Variants in ROBO2 observed in about 807,000 individuals in gnomAD.
ROBO2 encodes the protein roundabout guidance receptor 2.
ROBO2 carries 53 observed loss-of-function variants against 160.8 expected under a neutral mutation model. The observed-to-expected ratio is 0.33, with a 90% CI of 0.26 to 0.41. The LOEUF (loss-of-function observed/expected upper bound fraction) is 0.41, where lower values mean the gene tolerates loss of function less well. Ranked by LOEUF, ROBO2 falls within the 10% of genes least tolerant of loss-of-function variation. ROBO2 has a pLI of 1.00. For synonymous variants in ROBO2, 664 were observed against 611.7 expected, an observed-to-expected ratio of 1.09 and a Z score of -1.26; for missense variants, 1,577 against 1,722.4, an observed-to-expected ratio of 0.92 and a Z score of 1.49.
chr3:75,914,060 T>A (rs1215362961), intron 1 of ROBO2, among the ~76,000 whole-genome samples: 1 of 152,164 alleles, frequency 6.6e-6, no homozygotes, highest in African/African-American at 2.4e-5. Flanking sequence ...AATGCCCTGT[T>A]CAAATTAATT....
At chr3:75,936,175 G>A (rs1215448064) in intron 1 of ROBO2, among the ~76,000 whole-genome samples, 12 of 152,180 alleles carry the variant, frequency 7.9e-5, no homozygotes, top group Admixed American at 7.9e-4. Context: ...TGGAGAGGTT[G>A]AGTTAGATGT....
At chr3:76,304,454 G>A (rs2071222182) in intron 2 of ROBO2, among the ~76,000 whole-genome samples, 4 of 152,198 alleles carry the variant, frequency 2.6e-5, no homozygotes, top group Admixed American at 2.6e-4. Flanking sequence ...ATAGTGAATT[G>A]ATCTTTGGTC....
chr3:77,358,575 A>T (rs1581316695), intron 2 of ROBO2, among the ~76,000 whole-genome samples: 1 of 152,344 alleles, frequency 6.6e-6, no homozygotes, highest in East Asian at 1.9e-4. Flanking sequence ...AACTTGGTAG[A>T]TATTGAGCAT....
chr3:76,870,873 T>A (rs997081315), intron 2 of ROBO2, among the ~76,000 whole-genome samples: 1 of 152,160 alleles, frequency 6.6e-6, no homozygotes, highest in African/African-American at 2.4e-5. Flanking sequence ...GTTTATAAAA[T>A]GTATTTAGTT....
intron 9 of ROBO2, among the ~76,000 whole-genome samples, chr3:77,560,205 G>A (rs2153660183): frequency 6.6e-6 from 1 of 152,146 alleles, no homozygotes; most frequent in East Asian, 1.9e-4. Flanking sequence ...TCTCTGAGAT[G>A]CCAGCTCCTT....
intron 2 of ROBO2, among the ~76,000 whole-genome samples, chr3:76,332,674 G>C (rs566766420): frequency 1.3e-5 from 2 of 152,234 alleles, no homozygotes; most frequent in East Asian, 3.9e-4. Flanking sequence ...AATGGAAATT[G>C]ACAGGAAAAT....
intron 2 of ROBO2, among the ~76,000 whole-genome samples, chr3:76,971,542 C>T (rs999437542): frequency 6.9e-6 from 1 of 145,794 alleles, no homozygotes; most frequent in Non-Finnish European, 1.5e-5. Flanking sequence ...GACATCTCTA[C>T]TGTTTCTCTA....
In ROBO2 at chr3:76,346,511, T is replaced by C. The variant is rs577793440; in HGVS notation, c.109+408909T>C. 3.3e-5 allele frequency among the ~76,000 whole-genome samples: 5 copies of C among 152,290 alleles called. No homozygotes were observed. In the East Asian group the frequency reaches 9.7e-4, roughly 29 times the overall value. The stretch of plus-strand genomic sequence containing the variant: ...TTGGTTCCATTAAATATTACTCTTT[T>C]GGCCTTCAAAATCATGTCTGATGGC... On this transcript the variant is annotated intron_variant, in intron 2 of 26. Transcript: ENST00000487694.
At position 77,278,273 on chromosome 3, in the gene ROBO2, A is replaced by G. The variant is rs140990639; in HGVS notation, c.388+179933A>G. ...TTATCATCTCCAGTAGCTCCCATAG[A>G]CTTCCACTATGTTAATGACAAATAA... is the stretch of plus-strand genomic sequence containing the variant. On this transcript the variant is annotated intron_variant, in intron 2 of 25. Coordinates refer to ENST00000461745, the Ensembl canonical transcript of ROBO2. Among the ~76,000 whole-genome samples the G allele has an allele frequency of 6.5e-3, 987 of 152,266 alleles. 6 individuals carry two copies. Among genetic ancestry groups the G allele is most frequent in the Admixed American group, 9.4e-3 (144 of 15,274 alleles).
intron 2 of ROBO2, among the ~76,000 whole-genome samples, chr3:76,499,478 C>T (rs2080343127): frequency 6.6e-6 from 1 of 152,200 alleles, no homozygotes; most frequent in South Asian, 2.1e-4. Context: ...TCTCAAATAA[C>T]ATATGGCTTG....
chr3:76,868,192 C>T (rs986347021), intron 2 of ROBO2, among the ~76,000 whole-genome samples: 2 of 152,250 alleles, frequency 1.3e-5, no homozygotes, highest in Admixed American at 6.5e-5. Flanking sequence ...CTGGATTTTT[C>T]TCAGCAACCT....
intron 2 of ROBO2, among the ~76,000 whole-genome samples, chr3:76,240,599 A>T (rs1029642754): frequency 1.3e-5 from 2 of 152,198 alleles, no homozygotes; most frequent in African/African-American, 4.8e-5. Flanking sequence ...GAAATGAAAA[A>T]TAGAAAAAAG....
chr3:77,636,358 C>G (rs1303025690), intron 24 of ROBO2, among the ~76,000 whole-genome samples: 1 of 152,036 alleles, frequency 6.6e-6, no homozygotes, highest in Non-Finnish European at 1.5e-5. Context: ...CTGTAGGAGG[C>G]TGAGGCGGGC....
At chr3:77,448,829 C>G (rs1467234277) in intron 2 of ROBO2, among the ~76,000 whole-genome samples, 2 of 151,330 alleles carry the variant, frequency 1.3e-5, no homozygotes, top group African/African-American at 4.9e-5. Flanking sequence ...AGCTTTTCCT[C>G]AAAAAATCAC....
intron 5 of ROBO2, among the ~76,000 whole-genome samples, chr3:77,510,983 A>G (rs916246660): frequency 2.6e-5 from 4 of 152,020 alleles, no homozygotes; most frequent in African/African-American, 9.7e-5. Context: ...GATAAGAAGG[A>G]CACTTCACAA....
At chr3:76,385,611 C>A (rs925130128) in intron 2 of ROBO2, among the ~76,000 whole-genome samples, 2 of 152,212 alleles carry the variant, frequency 1.3e-5, no homozygotes, top group African/African-American at 4.8e-5. Flanking sequence ...TTTGCATAAT[C>A]ACATAATTAT....
At chr3:77,620,493 C>G (rs1196565461) in intron 22 of ROBO2, among the ~76,000 whole-genome samples, 1 of 152,184 alleles carries the variant, frequency 6.6e-6, no homozygotes, top group African/African-American at 2.4e-5. Flanking sequence ...GCAAGATGTG[C>G]TCATCTATCC....
intron 2 of ROBO2, among the ~76,000 whole-genome samples, chr3:76,040,283 G>A (rs1489972170): frequency 1.3e-5 from 2 of 151,438 alleles, no homozygotes; most frequent in East Asian, 3.9e-4. Flanking sequence ...TTCAAATTTA[G>A]GATGGTAAAT....
intron 2 of ROBO2, among the ~76,000 whole-genome samples, chr3:76,026,563 CA>C (rs1161046630): frequency 6.6e-6 from 1 of 151,644 alleles, no homozygotes; most frequent in Admixed American, 6.6e-5. Flanking sequence ...ATTCATTGTA[CA>C]AAAAAATTAT....
Sources: gnomAD v4.1 joint callset for allele counts (sites outside exome capture counted in the v4.1 genomes callset) on GRCh38, gnomAD v4.1.1 for gene constraint, MANE v1.5 for transcripts, NCBI Gene and HGNC (gene_info 2026-07-23, HGNC 2026-07-21) for gene names.